Variants in CSMD1 observed in about 807,000 individuals in gnomAD.
CSMD1 encodes the protein CUB and sushi domain-containing protein 1.
A neutral mutation model predicts 417.5 loss-of-function variants in CSMD1; 213 were observed. The observed-to-expected ratio is 0.51, with a 90% CI of 0.46 to 0.57. The LOEUF is 0.57. CSMD1 is among the 20% of genes least tolerant of loss of function. CSMD1 has a pLI of 0.00. For missense variants in CSMD1, 6,923 were observed against 4,529.7 expected, an observed-to-expected ratio of 1.53 and a Z score of -15.17; for synonymous variants, 2,862 against 1,736.8, an observed-to-expected ratio of 1.65 and a Z score of -16.11.
At chr8:4,560,031 A>G (rs926763749) in intron 2 of CSMD1, among the ~76,000 whole-genome samples, 1 of 152,226 alleles carries the variant, frequency 6.6e-6, no homozygotes. Flanking sequence ...CAGTTGACAG[A>G]CAGCCTCCAC....
intron 23 of CSMD1, among the ~76,000 whole-genome samples, chr8:3,335,531 G>T (rs1053924979): frequency 6.6e-6 from 1 of 152,088 alleles, no homozygotes; most frequent in Non-Finnish European, 1.5e-5. Context: ...TACAAAATTA[G>T]CCGGGTGTGG....
At position 3,485,340 on chromosome 8, in the gene CSMD1, A is replaced by C. The variant is rs900885329; in HGVS notation, c.1448+8283T>G. The stretch of plus-strand genomic sequence containing the variant: ...ATTATATAACATTCTTGCAATGACA[A>C]ATTTTTAGAGCTGGAGTGCAGATAA... On this transcript the variant is annotated intron_variant, in intron 11 of 69. Coordinates refer to ENST00000635120, the MANE Select transcript of CSMD1 (RefSeq NM_033225.6). Among the ~76,000 whole-genome samples the C allele has an allele frequency of 2.0e-5, 3 of 152,092 alleles. 1 individual carries two copies. In the South Asian group the frequency reaches 6.2e-4, roughly 32 times the overall value.
intron 68 of CSMD1, among the ~76,000 whole-genome samples, chr8:2,944,957 A>T (rs1802118958): frequency 6.6e-6 from 1 of 152,206 alleles, no homozygotes; most frequent in Non-Finnish European, 1.5e-5. Context: ...TCACATGAAA[A>T]CAAAGAACAA....
At chr8:4,633,866 C>T (rs1168369499) in intron 2 of CSMD1, among the ~76,000 whole-genome samples, 1 of 151,876 alleles carries the variant, frequency 6.6e-6, no homozygotes, top group African/African-American at 2.4e-5. Context: ...TAGCCCAAGA[C>T]ATGTTAAAAA....
At position 3,540,088 on chromosome 8, in the gene CSMD1, G is replaced by A. The variant is rs567293207; in HGVS notation, c.1344+34857C>T. The stretch of plus-strand genomic sequence containing the variant: ...GATTGGCTCATAAATAGGCTTCTCT[G>A]TGATTCTAGTTGCTTGTAGACTTGT... On this transcript the variant is annotated intron_variant, in intron 10 of 69. Transcript: ENST00000635120. Among the ~76,000 whole-genome samples the A allele has an allele frequency of 1.1e-3, 171 of 152,246 alleles. 1 individual carries two copies. The highest frequency in any genetic ancestry group is 4.0e-3 in the African/African-American group (165 of 41,532).
chr8:4,582,764 G>A (rs771472865), intron 2 of CSMD1, among the ~76,000 whole-genome samples: 59 of 152,216 alleles, frequency 3.9e-4, no homozygotes, highest in Non-Finnish European at 5.7e-4. Flanking sequence ...CTGCACTGTG[G>A]GAGCCCTTTT....
At chr8:4,566,071 C>G (rs1798592104) in intron 2 of CSMD1, among the ~76,000 whole-genome samples, 1 of 151,948 alleles carries the variant, frequency 6.6e-6, no homozygotes, top group Non-Finnish European at 1.5e-5. Context: ...GATATATTAA[C>G]TCTGTTCTTC....
chr8:4,357,677 G>A (rs767635527), intron 3 of CSMD1, among the ~76,000 whole-genome samples: 1 of 151,946 alleles, frequency 6.6e-6, no homozygotes, highest in Non-Finnish European at 1.5e-5. Context: ...CTTCATGGTA[G>A]GACTTCAAAA....
intron 3 of CSMD1, among the ~76,000 whole-genome samples, chr8:4,081,565 C>T (rs775197588): frequency 1.3e-5 from 2 of 152,072 alleles, no homozygotes; most frequent in African/African-American, 2.4e-5. Context: ...TCATGTTGAC[C>T]TAGTTGACCC....
intron 1 of CSMD1, among the ~76,000 whole-genome samples, chr8:4,920,089 G>A (rs752025661): frequency 2.0e-5 from 3 of 152,116 alleles, no homozygotes; most frequent in Non-Finnish European, 4.4e-5. Flanking sequence ...AAGACAAATA[G>A]AAGACAATGT....
At chr8:4,003,110 C>T (rs1815823233) in intron 4 of CSMD1, among the ~76,000 whole-genome samples, 1 of 152,088 alleles carries the variant, frequency 6.6e-6, no homozygotes, top group African/African-American at 2.4e-5. Flanking sequence ...AAACAAGATA[C>T]AGGCTTGGCG....
At chr8:3,209,603 G>A (rs986266153) in intron 30 of CSMD1, among the ~76,000 whole-genome samples, 1 of 152,176 alleles carries the variant, frequency 6.6e-6, no homozygotes, top group Non-Finnish European at 1.5e-5. Context: ...ACAGGTGTGA[G>A]CCACTGCACT....
intron 2 of CSMD1, among the ~76,000 whole-genome samples, chr8:4,467,038 T>C (rs1437398310): frequency 6.6e-6 from 1 of 151,438 alleles, no homozygotes; most frequent in Non-Finnish European, 1.5e-5. Context: ...CAAAAGTCTG[T>C]TTCATGGCAG....
intron 1 of CSMD1, chr8:4,788,229 G>C (rs373746896): frequency 1.8e-5 from 28 of 1,589,452 alleles, no homozygotes; most frequent in Middle Eastern, 1.8e-4. Flanking sequence ...TAAAGGACCA[G>C]ATGAAACTCT....
intron 3 of CSMD1, among the ~76,000 whole-genome samples, chr8:4,396,725 G>A (rs1804248821): frequency 6.6e-6 from 1 of 152,046 alleles, no homozygotes; most frequent in East Asian, 1.9e-4. Flanking sequence ...CATGGCATTT[G>A]CAGCAACCTG....
intron 2 of CSMD1, among the ~76,000 whole-genome samples, chr8:4,593,009 G>A (rs1355671146): frequency 6.6e-6 from 1 of 152,072 alleles, no homozygotes; most frequent in Non-Finnish European, 1.5e-5. Flanking sequence ...AAACTATTTA[G>A]AAAATTTCTT....
At chr8:3,300,489 C>T (rs764556267) in intron 25 of CSMD1, among the ~76,000 whole-genome samples, 5 of 151,900 alleles carry the variant, frequency 3.3e-5, no homozygotes, top group Non-Finnish European at 5.9e-5. Context: ...CAAGCTCAGG[C>T]GAGTGAAATG....
Position 4,639,496 on chromosome 8 carries a change from G to C in CSMD1, c.86-1938C>G, listed in dbSNP as rs576262321. ...TCGTTTGTCTGAGGTTAGCTGTTAA[G>C]TAGCTCGCAAAAACTGTCTATGTTT... On this transcript the variant is annotated intron_variant, in intron 1 of 69. Transcript: ENST00000635120. Among the ~76,000 whole-genome samples the C allele has an allele frequency of 2.0e-5, 3 of 152,252 alleles. No homozygotes were observed. The South Asian group carries it at 6.2e-4, about 32-fold the overall frequency.
At chr8:4,205,442 G>A (rs938666889) in intron 3 of CSMD1, among the ~76,000 whole-genome samples, 72 of 152,170 alleles carry the variant, frequency 4.7e-4, no homozygotes, top group African/African-American at 1.7e-3. Context: ...TTTATTTCAT[G>A]ATGCGCCCAT....
Sources: allele counts gnomAD v4.1 joint callset (sites outside exome capture counted in the v4.1 genomes callset), GRCh38; gene constraint gnomAD v4.1.1; transcripts MANE v1.5; gene names NCBI Gene and HGNC (gene_info 2026-07-23, HGNC 2026-07-21).